The following BRMS1L variants were observed in gnomAD, a reference collection of about 807,000 sequenced individuals.
The protein encoded by BRMS1L is BRMS1 like transcriptional repressor, also known as breast cancer metastasis-suppressor 1-like protein.
In BRMS1L, 23 loss-of-function variants were observed where a neutral mutation model predicts 50.3. The ratio of observed to expected loss-of-function variants is 0.46; its 90% CI spans 0.33 to 0.65. The LOEUF (loss-of-function observed/expected upper bound fraction) is 0.65. Ranked by LOEUF, BRMS1L falls within the 30% of genes least tolerant of loss-of-function variation. The probability of loss-of-function intolerance (pLI) is 0.02; values close to 1 mark genes in which losing one functional copy is unlikely to be tolerated. For missense variants in BRMS1L, 286 were observed against 386.1 expected (o/e 0.74, Z 2.17); for synonymous variants, 114 against 126.9 (o/e 0.90, Z 0.69).
At chr14:35,839,152 G>T (rs890787422) in intron 4 of BRMS1L, among the ~76,000 whole-genome samples, 5 of 152,210 alleles carry the variant, frequency 3.3e-5, no homozygotes, top group Admixed American at 2.0e-4. Flanking sequence ...GCTTGTTTTT[G>T]TCAGGTTTGT....
At chr14:35,854,787 G>A (rs2078259048) in intron 4 of BRMS1L, among the ~76,000 whole-genome samples, 1 of 152,218 alleles carries the variant, frequency 6.6e-6, no homozygotes, top group African/African-American at 2.4e-5. Flanking sequence ...GCACTGGTCA[G>A]AGGATGTAGC....
At chr14:35,858,527 C>T (rs1018093600) in intron 4 of BRMS1L, 3 of 152,170 alleles carry the variant, frequency 2.0e-5, no homozygotes, top group Non-Finnish European at 2.9e-5. Flanking sequence ...TAATTAATTA[C>T]TCCAAAACTT....
chr14:35,870,133 T>C (rs1336070764), intron 9 of BRMS1L, among the ~76,000 whole-genome samples: 2 of 151,456 alleles, frequency 1.3e-5, no homozygotes, highest in Non-Finnish European at 2.9e-5. Context: ...TAATAGAAAG[T>C]AAATTTTACG....
chr14:35,841,069 T>C (rs1443295742), intron 4 of BRMS1L, among the ~76,000 whole-genome samples: 1 of 152,178 alleles, frequency 6.6e-6, no homozygotes, highest in East Asian at 1.9e-4. Context: ...CTCACTGGTT[T>C]CAAATAACTT....
chr14:35,845,147 A>G (rs771824161), intron 4 of BRMS1L, among the ~76,000 whole-genome samples: 12 of 152,126 alleles, frequency 7.9e-5, no homozygotes, highest in Non-Finnish European at 1.6e-4. Context: ...CTTATTTTCC[A>G]TGTAGATAAT....
intron 4 of BRMS1L, among the ~76,000 whole-genome samples, chr14:35,846,224 A>G (rs1264707728): frequency 1.3e-5 from 2 of 151,752 alleles, no homozygotes. Flanking sequence ...CTGTCAAAAC[A>G]AAACAAAACA....
intron 4 of BRMS1L, among the ~76,000 whole-genome samples, chr14:35,859,714 A>G (rs1319593442): frequency 6.6e-6 from 1 of 152,190 alleles, no homozygotes; most frequent in Non-Finnish European, 1.5e-5. Flanking sequence ...CAGTGGTGCA[A>G]TCATAGCTCA....
intron 4 of BRMS1L, among the ~76,000 whole-genome samples, chr14:35,855,559 A>AT (rs2078269198): frequency 2.0e-5 from 3 of 152,218 alleles, no homozygotes; most frequent in East Asian, 3.9e-4. Context: ...CTCTTCTATC[A>AT]TTTTTCAGCT....
intron 5 of BRMS1L, among the ~76,000 whole-genome samples, chr14:35,863,590 G>A (rs1436202394): frequency 1.3e-5 from 2 of 152,154 alleles, no homozygotes; most frequent in Non-Finnish European, 2.9e-5. Context: ...GATTAGGTGA[G>A]ACAATGCATG....
chr14:35,866,406 C>T (rs1322167602), intron 8 of BRMS1L, among the ~76,000 whole-genome samples: 1 of 152,074 alleles, frequency 6.6e-6, no homozygotes, highest in East Asian at 1.9e-4. Flanking sequence ...GATAAGAGAC[C>T]AATTTCTGTT....
At chr14:35,830,514 T>C (rs1264311875) in intron 1 of BRMS1L, among the ~76,000 whole-genome samples, 1 of 152,048 alleles carries the variant, frequency 6.6e-6, no homozygotes, top group African/African-American at 2.4e-5. Context: ...TCCACCACTA[T>C]GTCTGGCTAA....
At chr14:35,857,494 AT>A (rs993171784) in intron 4 of BRMS1L, among the ~76,000 whole-genome samples, 1 of 151,334 alleles carries the variant, frequency 6.6e-6, no homozygotes, top group African/African-American at 2.4e-5. Flanking sequence ...TTAAAAAAAA[AT>A]TTTTTTATAG....
intron 4 of BRMS1L, among the ~76,000 whole-genome samples, chr14:35,847,574 T>C (rs556512801): frequency 1.3e-5 from 2 of 152,206 alleles, no homozygotes; most frequent in Non-Finnish European, 2.9e-5. Context: ...AATAGTAAAG[T>C]CATTCACCAT....
At chr14:35,830,461 G>C (rs1315747110) in intron 1 of BRMS1L, among the ~76,000 whole-genome samples, 1 of 152,012 alleles carries the variant, frequency 6.6e-6, no homozygotes, top group Non-Finnish European at 1.5e-5. Flanking sequence ...AAGTTCAAAC[G>C]ATCCTCCCAC....
At position 35,826,536 on chromosome 14, in the gene BRMS1L, G is replaced by A. The variant is rs758757238; in HGVS notation, c.20G>A (p.Gly7Glu). 3.1e-6 allele frequency: 5 copies of A among 1,596,046 alleles called. No homozygotes were observed. Among genetic ancestry groups the A allele is most frequent in the Non-Finnish European group, 4.3e-6 (5 of 1,172,334 alleles). The part of the protein sequence containing the change: MPVHSR[G>E]DKKETNHHDE... The stretch of plus-strand genomic sequence containing the variant: ...TGGAAAATGCCAGTCCATTCCCGAG[G>A]GGATAAGAAGGAGACCAACCATCAC... Residue 7 changes from glycine (G) to glutamate (E), a missense_variant, in exon 1 of 10, where the codon GGG becomes GAG. Transcript: ENST00000216807.
Position 35,826,508 on chromosome 14 carries a change from G to A in BRMS1L, c.-9G>A, listed in dbSNP as rs1466910438. On this transcript the variant is annotated 5_prime_UTR_variant, in exon 1 of 10. Coordinates refer to ENST00000216807, the MANE Select transcript of BRMS1L (RefSeq NM_032352.4). ...CGCCGGTAGTGGAAAGCGACGGCGC[G>A]GCTGGAAAATGCCAGTCCATTCCCG... is the stretch of plus-strand genomic sequence containing the variant. 3.2e-6 allele frequency: 5 copies of A among 1,576,300 alleles called. No homozygotes were observed. The highest frequency in any genetic ancestry group is 4.3e-6 in the Non-Finnish European group (5 of 1,161,484).
chr14:35,856,057 T>C (rs1317458829), intron 4 of BRMS1L, among the ~76,000 whole-genome samples: 1 of 152,172 alleles, frequency 6.6e-6, no homozygotes, highest in South Asian at 2.1e-4. Flanking sequence ...TAGACTCATA[T>C]GGAAATAATT....
rs186840759 is a variant in BRMS1L, at chr14:35,849,169, T to C, written c.442-13421T>C. Among the ~76,000 whole-genome samples the C allele has an allele frequency of 2.4e-3, 367 of 152,236 alleles. 2 individuals are homozygous for C. Among genetic ancestry groups the C allele is most frequent in the African/African-American group, 8.5e-3 (351 of 41,530 alleles). ...TGTACCCTGGCCTGTAGTTGTATTT[T>C]TAAATTTTTGAAACCTCTGTACTGT... is the stretch of plus-strand genomic sequence containing the variant. On this transcript the variant is annotated intron_variant, in intron 4 of 9. Coordinates refer to ENST00000216807, the MANE Select transcript of BRMS1L (RefSeq NM_032352.4).
chr14:35,859,681 G>A (rs758176664), intron 4 of BRMS1L, among the ~76,000 whole-genome samples: 41 of 152,138 alleles, frequency 2.7e-4, no homozygotes, highest in Middle Eastern at 3.4e-3. Flanking sequence ...ACAGAGTCTC[G>A]CTCTATTGCC....
Sources: allele counts gnomAD v4.1 joint callset (sites outside exome capture counted in the v4.1 genomes callset), GRCh38; gene constraint gnomAD v4.1.1; transcripts MANE v1.5; gene names NCBI Gene and HGNC (gene_info 2026-07-23, HGNC 2026-07-21).